PLEKHA5: variants seen among roughly 807,000 people sequenced by gnomAD.
PLEKHA5 encodes the protein pleckstrin homology domain containing A5.
PLEKHA5 carries 55 observed loss-of-function variants against 181.9 expected under a neutral mutation model. The observed-to-expected ratio is 0.30, with a 90% CI of 0.24 to 0.38. PLEKHA5 has a LOEUF of 0.38. Ranked by LOEUF, PLEKHA5 falls within the 10% of genes least tolerant of loss-of-function variation. PLEKHA5 has a pLI of 1.00. For missense variants in PLEKHA5, 1,432 were observed against 1,549.5 expected (o/e 0.92, Z 1.27); for synonymous variants, 535 against 529.4 (o/e 1.01, Z -0.15).
At chr12:19,254,771 C>T (rs1024388475) in intron 4 of PLEKHA5, among the ~76,000 whole-genome samples, 6 of 152,162 alleles carry the variant, frequency 3.9e-5, no homozygotes, top group Non-Finnish European at 8.8e-5. Context: ...TACAGTGAAC[C>T]AAGATTACGC....
At position 19,262,849 on chromosome 12, in the gene PLEKHA5, A is replaced by G. The variant is rs201071577; in HGVS notation, c.610+1828A>G. Among the ~76,000 whole-genome samples, 4 of 152,126 alleles carry G rather than the reference A, an allele frequency of 2.6e-5. No individual in the cohort carries two copies. The East Asian group carries it at 7.7e-4, about 29-fold the overall frequency. The stretch of plus-strand genomic sequence containing the variant: ...CAATTTACCTTTGTAACAAATCCAC[A>G]TGTGTACCCCTGAACCTATAATAGA... On this transcript the variant is annotated intron_variant, in intron 7 of 31. Transcript: ENST00000429027.
chr12:19,252,355 A>G (rs1358228095), intron 3 of PLEKHA5, among the ~76,000 whole-genome samples: 1 of 152,126 alleles, frequency 6.6e-6, no homozygotes, highest in Non-Finnish European at 1.5e-5. Context: ...TACAAGGTAA[A>G]TTTTCTAATG....
Position 19,375,757 on chromosome 12 carries a change from G to C in PLEKHA5, c.*238G>C, listed in dbSNP as rs1486323664. ...GTTATTATTCTGACACCAGCTTGCTGCTATGATTTCAGAGCACATAAGTAA... is the reference window on the plus strand; with the variant it reads ...GTTATTATTCTGACACCAGCTTGCTCCTATGATTTCAGAGCACATAAGTAA... On this transcript the variant is annotated 3_prime_UTR_variant, in exon 32 of 32. Transcript: ENST00000429027. 6.6e-6 allele frequency: 1 copy of C among 152,526 alleles called. No individual in the cohort carries two copies. The highest frequency in any genetic ancestry group is 1.5e-5 in the Non-Finnish European group (1 of 68,026). The allele number at this position is 152,526 out of a possible 1,614,324, so 9.4% of individuals were successfully genotyped here. A position where few individuals can be genotyped will look rare whatever the true frequency, so the allele number is the denominator to read the frequency against.
At chr12:19,159,970 G>A (rs1298034928) in intron 3 of PLEKHA5, among the ~76,000 whole-genome samples, 5 of 152,012 alleles carry the variant, frequency 3.3e-5, no homozygotes, top group Non-Finnish European at 7.4e-5. Context: ...ACAATTTTGT[G>A]GATGGTGGAA....
rs139101254 is a variant in PLEKHA5 at position 19,178,683 on chromosome 12, T to C, written c.227+46233T>C. 5.4e-3 allele frequency among the ~76,000 whole-genome samples: 818 copies of C among 152,302 alleles called. 5 individuals carry two copies. Among genetic ancestry groups the C allele is most frequent in the Non-Finnish European group, 9.3e-3 (635 of 68,028 alleles). ...TGTCCTGGGCAGAAAATGGCAAAAC[T>C]GAGATTCGGCTCATGACTTCATTGC... is the stretch of plus-strand genomic sequence containing the variant. On this transcript the variant is annotated intron_variant, in intron 3 of 31. Transcript: ENST00000429027.
rs546223024 is a variant in PLEKHA5, at chr12:19,131,023, C to T, written c.169+893C>T. ...GTGTGAGTGGAGCTGGAAAAGGCTC[C>T]TCGTAGTTTCTGTACTGGTCTGGGT... is the stretch of plus-strand genomic sequence containing the variant. On this transcript the variant is annotated intron_variant, in intron 2 of 31. Coordinates refer to ENST00000429027, the MANE Select transcript of PLEKHA5 (RefSeq NM_001256470.2). The T allele has an allele frequency of 3.3e-5, 5 of 152,384 alleles. No individual in the cohort carries two copies. The East Asian group carries it at 9.7e-4, about 29-fold the overall frequency. The allele number at this position is 152,384 out of a possible 1,614,324, so 9.4% of individuals were successfully genotyped here.
intron 15 of PLEKHA5, among the ~76,000 whole-genome samples, chr12:19,309,753 A>T (rs887226375): frequency 1.3e-4 from 20 of 152,078 alleles, no homozygotes; most frequent in East Asian, 1.9e-4. Flanking sequence ...TCAAAAAAAA[A>T]AATAATAAAA....
At chr12:19,179,493 T>C (rs2048057568) in intron 3 of PLEKHA5, among the ~76,000 whole-genome samples, 3 of 151,830 alleles carry the variant, frequency 2.0e-5, no homozygotes, top group Non-Finnish European at 2.9e-5. Context: ...AGCCCGTCTT[T>C]ACTAACAAAT....
intron 29 of PLEKHA5, among the ~76,000 whole-genome samples, chr12:19,363,446 C>T (rs1371557938): frequency 3.3e-5 from 5 of 151,084 alleles, no homozygotes; most frequent in African/African-American, 4.9e-5. Flanking sequence ...GTATTACAGG[C>T]GTGAGCCATC....
chr12:19,265,762 A>G lies in PLEKHA5; in HGVS notation c.623A>G (p.Glu208Gly). The change falls in exon 8 of 32, where the codon GAG (glutamate) becomes GGG (glycine). Residue 208 changes from glutamate (E) to glycine (G), a missense_variant. This residue lies in a region of PLEKHA5 where 289 missense variants were observed against 381.1 expected (regional missense o/e 0.76). Coordinates refer to ENST00000429027, the MANE Select transcript of PLEKHA5 (RefSeq NM_001256470.2). ...AATTATCTCTTAGATGAGAAAGAAG[A>G]GGGTATCCTGGGAAGCATACTGTTA... ...CLFYYRDEKEEGILGSILLPS... is the reference protein window; with the variant it reads ...CLFYYRDEKEGGILGSILLPS... The G allele has an allele frequency of 6.4e-7, 1 of 1,559,452 alleles. No individual in the cohort carries two copies. The highest frequency in any genetic ancestry group is 8.8e-7 in the Non-Finnish European group (1 of 1,134,652).
intron 3 of PLEKHA5, among the ~76,000 whole-genome samples, chr12:19,253,534 C>T (rs1165906071): frequency 1.3e-5 from 2 of 151,866 alleles, no homozygotes; most frequent in East Asian, 1.9e-4. Flanking sequence ...AAAAGGCTGG[C>T]GGCCAGGTGC....
At chr12:19,185,437 C>T (rs780844322) in intron 3 of PLEKHA5, among the ~76,000 whole-genome samples, 4 of 152,006 alleles carry the variant, frequency 2.6e-5, no homozygotes, top group Non-Finnish European at 4.4e-5. Flanking sequence ...AGATGTCAGC[C>T]TAGAGCTGTC....
chr12:19,175,323 G>A (rs1167033299), intron 3 of PLEKHA5, among the ~76,000 whole-genome samples: 1 of 152,076 alleles, frequency 6.6e-6, no homozygotes, highest in East Asian at 1.9e-4. Flanking sequence ...TTTTAAGGAT[G>A]GCCATTGAAA....
intron 3 of PLEKHA5, among the ~76,000 whole-genome samples, chr12:19,238,475 G>A (rs192512743): frequency 1.3e-5 from 2 of 152,188 alleles, no homozygotes; most frequent in East Asian, 3.9e-4. Flanking sequence ...CCTAATTTAA[G>A]AGCCACAATT....
chr12:19,275,566 C>G (rs535371121), intron 11 of PLEKHA5, among the ~76,000 whole-genome samples: 1 of 152,200 alleles, frequency 6.6e-6, no homozygotes, highest in African/African-American at 2.4e-5. Flanking sequence ...GAGTTTGAGA[C>G]CAGCCTGGGC....
At chr12:19,190,099 C>T (rs1182318358) in intron 3 of PLEKHA5, among the ~76,000 whole-genome samples, 1 of 152,158 alleles carries the variant, frequency 6.6e-6, no homozygotes, top group Non-Finnish European at 1.5e-5. Flanking sequence ...ACTCTTTGAA[C>T]TCTTACTCTT....
At chr12:19,172,616 A>G (rs1249726248) in intron 3 of PLEKHA5, among the ~76,000 whole-genome samples, 2 of 152,196 alleles carry the variant, frequency 1.3e-5, no homozygotes, top group African/African-American at 4.8e-5. Flanking sequence ...TCAAAACAAA[A>G]CAATGGAGAC....
chr12:19,317,439 A>G (rs764905053), intron 16 of PLEKHA5, among the ~76,000 whole-genome samples: 2 of 151,996 alleles, frequency 1.3e-5, no homozygotes, highest in Middle Eastern at 6.8e-3. Context: ...TAACATGATT[A>G]ATACCAGTGA....
intron 3 of PLEKHA5, among the ~76,000 whole-genome samples, chr12:19,140,842 A>C (rs1361091457): frequency 6.6e-6 from 1 of 152,152 alleles, no homozygotes; most frequent in Non-Finnish European, 1.5e-5. Flanking sequence ...AGGCTGGAGT[A>C]CAGTGACTCA....
Sources: gnomAD v4.1 joint callset for allele counts (sites outside exome capture counted in the v4.1 genomes callset) on GRCh38, gnomAD v4.1.1 for gene constraint, gnomAD v4.1.1 regional missense constraint, MANE v1.5 for transcripts, NCBI Gene and HGNC (gene_info 2026-07-23, HGNC 2026-07-21) for gene names.